Variants in TMEM132B observed in about 807,000 individuals in gnomAD.
TMEM132B encodes transmembrane protein 132B.
A neutral mutation model predicts 90.8 loss-of-function variants in TMEM132B; 18 were observed. The ratio of observed to expected loss-of-function variants is 0.20; its 90% CI spans 0.14 to 0.29. TMEM132B has a LOEUF of 0.29. TMEM132B is among the 10% of genes least tolerant of loss of function. The probability of loss-of-function intolerance (pLI) is 1.00; values close to 1 mark genes in which losing one functional copy is unlikely to be tolerated. For synonymous variants in TMEM132B, 504 were observed against 523.3 expected, an observed-to-expected ratio of 0.96 and a Z score of 0.50; for missense variants, 1,096 against 1,326.8, an observed-to-expected ratio of 0.83 and a Z score of 2.70.
In TMEM132B at chr12:125,415,165, C is replaced by T. The variant is rs556057429; in HGVS notation, c.960-366C>T. Reference sequence around the variant, plus strand: ...CCCACCCCGCATCTTAAAGACTCTTCTCCATCTCCAGGTGAAGAATAGGCC... The same window carrying T: ...CCCACCCCGCATCTTAAAGACTCTTTTCCATCTCCAGGTGAAGAATAGGCC... On this transcript the variant is annotated intron_variant, in intron 2 of 8. Transcript: ENST00000682704. This position sits in a 1 kb window ranked among gnomAD's most constrained non-coding sequence, Gnocchi z 5.3. Among the ~76,000 whole-genome samples, 31 of 152,304 alleles carry T rather than the reference C, an allele frequency of 2.0e-4. No individual in the cohort carries two copies. Among genetic ancestry groups the T allele is most frequent in the African/African-American group, 6.7e-4 (28 of 41,546 alleles).
In TMEM132B at chr12:125,407,897, A is replaced by G. The variant is rs1019913855; in HGVS notation, c.960-7634A>G. Among the ~76,000 whole-genome samples the G allele has an allele frequency of 6.6e-6, 1 of 152,182 alleles. No homozygotes were observed. Among genetic ancestry groups the G allele is most frequent in the African/African-American group, 2.4e-5 (1 of 41,420 alleles). On this transcript the variant is annotated intron_variant, in intron 2 of 8. Coordinates refer to ENST00000682704, the MANE Select transcript of TMEM132B (RefSeq NM_001366854.1). The surrounding 1 kb of genome is among the most constrained non-coding windows in gnomAD (Gnocchi z 6.7). ...TGCTCTGTTTTGAACTTCATATTGA[A>G]CTGTAACCTACATGCAGAAGAGTCC...
intron 5 of TMEM132B, among the ~76,000 whole-genome samples, chr12:125,603,155 C>A (rs1490886929): frequency 1.3e-5 from 2 of 152,146 alleles, no homozygotes; most frequent in Non-Finnish European, 2.9e-5. Context: ...CCAAGAAAAT[C>A]TTAAGTGAAG....
intron 3 of TMEM132B, among the ~76,000 whole-genome samples, chr12:125,440,403 C>G (rs1880835972): frequency 1.3e-5 from 2 of 152,246 alleles, no homozygotes; most frequent in African/African-American, 4.8e-5. Context: ...GGCAGATAAG[C>G]TGATGGATTG....
intron 4 of TMEM132B, among the ~76,000 whole-genome samples, chr12:125,567,889 A>G (rs1884697054): frequency 6.6e-6 from 1 of 152,156 alleles, no homozygotes; most frequent in African/African-American, 2.4e-5. Context: ...GAGAATACAC[A>G]CGTAATTATT....
At chr12:125,395,749 G>A (rs1879152351) in intron 2 of TMEM132B, among the ~76,000 whole-genome samples, 1 of 152,212 alleles carries the variant, frequency 6.6e-6, no homozygotes, top group Non-Finnish European at 1.5e-5. Context: ...TGAAGAGTTC[G>A]AAGAGAGTCT....
intron 1 of TMEM132B, among the ~76,000 whole-genome samples, chr12:125,308,315 G>T (rs929549879): frequency 3.3e-5 from 5 of 152,064 alleles, no homozygotes; most frequent in African/African-American, 1.2e-4. Context: ...CTTCATAGAT[G>T]TCATCCACTC....
intron 4 of TMEM132B, among the ~76,000 whole-genome samples, chr12:125,567,770 A>G (rs1367922650): frequency 2.0e-5 from 3 of 152,166 alleles, no homozygotes; most frequent in Non-Finnish European, 4.4e-5. Context: ...ATGTAGCTCA[A>G]GCTGGATGAG....
At chr12:125,589,393 A>G (rs1388001126) in intron 5 of TMEM132B, among the ~76,000 whole-genome samples, 1 of 149,878 alleles carries the variant, frequency 6.7e-6, no homozygotes, top group Non-Finnish European at 1.5e-5. Flanking sequence ...GAGGCAGGAG[A>G]ATGGCGTGAA....
At chr12:125,471,318 A>T (rs61945401) in intron 3 of TMEM132B, among the ~76,000 whole-genome samples, 3,049 of 152,284 alleles carry the variant, frequency 0.02, 42 homozygotes, top group Non-Finnish European at 0.032. Flanking sequence ...TTAGAGATGA[A>T]ATAAAAATGA....
At chr12:125,518,539 C>G (rs1883224888) in intron 3 of TMEM132B, among the ~76,000 whole-genome samples, 1 of 152,188 alleles carries the variant, frequency 6.6e-6, no homozygotes. Flanking sequence ...GGGATGGAAA[C>G]AGGCTGATGG....
chr12:125,290,041 A>C (rs973327171), intron 1 of TMEM132B, among the ~76,000 whole-genome samples: 10 of 152,184 alleles, frequency 6.6e-5, no homozygotes, highest in African/African-American at 2.4e-4. Flanking sequence ...GGAAGCCTGG[A>C]TATGCCGTGT....
At chr12:125,594,161 C>T (rs1474727351) in intron 5 of TMEM132B, among the ~76,000 whole-genome samples, 1 of 152,176 alleles carries the variant, frequency 6.6e-6, no homozygotes, top group East Asian at 1.9e-4. Context: ...AATGTATGCT[C>T]CCTGTCTTTC....
chr12:125,517,836 G>A (rs1275330631), intron 3 of TMEM132B, among the ~76,000 whole-genome samples: 1 of 152,192 alleles, frequency 6.6e-6, no homozygotes, highest in Non-Finnish European at 1.5e-5. Context: ...AGGGTACAAA[G>A]CAGGTCAGCA....
intron 3 of TMEM132B, among the ~76,000 whole-genome samples, chr12:125,449,446 T>G (rs1451738320): frequency 6.6e-6 from 1 of 152,244 alleles, no homozygotes; most frequent in Non-Finnish European, 1.5e-5. Context: ...TTCCTGATAT[T>G]CATAACTTTT....
chr12:125,623,849 T>C (rs1886169275), intron 5 of TMEM132B, among the ~76,000 whole-genome samples: 1 of 152,178 alleles, frequency 6.6e-6, no homozygotes, highest in Non-Finnish European at 1.5e-5. Flanking sequence ...TAACCTCACC[T>C]TCAGTGTGAA....
intron 1 of TMEM132B, among the ~76,000 whole-genome samples, chr12:125,260,772 G>T (rs1429878965): frequency 1.3e-5 from 2 of 152,176 alleles, no homozygotes; most frequent in Non-Finnish European, 2.9e-5. Context: ...AATAAAGGCT[G>T]GGCATAGTGG....
intron 5 of TMEM132B, chr12:125,587,409 G>A (rs73220950): frequency 0.013 from 1,932 of 152,254 alleles, 17 homozygotes; most frequent in South Asian, 0.029. Context: ...TGTGGGGGGT[G>A]CGGGGAGGGT....
intron 3 of TMEM132B, among the ~76,000 whole-genome samples, chr12:125,502,681 T>G (rs1281504040): frequency 1.3e-5 from 2 of 152,250 alleles, no homozygotes; most frequent in Admixed American, 1.3e-4. Context: ...TATTTTTTAT[T>G]TGCGTGTTAA....
At chr12:125,545,132 C>T (rs1231404758) in intron 4 of TMEM132B, among the ~76,000 whole-genome samples, 1 of 152,172 alleles carries the variant, frequency 6.6e-6, no homozygotes, top group East Asian at 1.9e-4. Context: ...TAGTGGAAAT[C>T]AAGTGACCCC....
Sources: allele counts gnomAD v4.1 joint callset (sites outside exome capture counted in the v4.1 genomes callset), GRCh38; gene constraint gnomAD v4.1.1; non-coding constraint Gnocchi (gnomAD v3.1); transcripts MANE v1.5; gene names NCBI Gene and HGNC (gene_info 2026-07-23, HGNC 2026-07-21).